The following L3MBTL3 variants were observed in gnomAD, a reference collection of about 807,000 sequenced individuals.
L3MBTL3 encodes the protein L3MBTL histone methyl-lysine binding protein 3.
A neutral mutation model predicts 102.3 loss-of-function variants in L3MBTL3; 27 were observed. The observed-to-expected ratio is 0.26, with a 90% confidence interval of 0.19 to 0.36. The LOEUF (loss-of-function observed/expected upper bound fraction) is 0.36. Ranked by LOEUF, L3MBTL3 falls within the 10% of genes least tolerant of loss-of-function variation. The pLI is 1.00. For synonymous variants in L3MBTL3, 340 were observed against 320.9 expected, an observed-to-expected ratio of 1.06 and a Z score of -0.64; for missense variants, 798 against 955.3, an observed-to-expected ratio of 0.84 and a Z score of 2.17.
At chr6:130,033,000 T>A (rs759235253) in intron 2 of L3MBTL3, among the ~76,000 whole-genome samples, 16 of 151,892 alleles carry the variant, frequency 1.1e-4, no homozygotes, top group Non-Finnish European at 1.5e-4. Context: ...CTCAAAAACA[T>A]GCAAAAAATG....
intron 2 of L3MBTL3, among the ~76,000 whole-genome samples, chr6:130,030,266 A>G (rs1256484035): frequency 2.0e-5 from 3 of 152,010 alleles, no homozygotes; most frequent in Non-Finnish European, 2.9e-5. Context: ...TTACACCCCT[A>G]TGGAGAGGAT....
At chr6:130,024,206 T>C (rs1779186344) in intron 2 of L3MBTL3, among the ~76,000 whole-genome samples, 1 of 152,156 alleles carries the variant, frequency 6.6e-6, no homozygotes, top group African/African-American at 2.4e-5. Flanking sequence ...ACATGAGTCC[T>C]CCGAATGACT....
intron 19 of L3MBTL3, among the ~76,000 whole-genome samples, chr6:130,105,798 T>A (rs776703335): frequency 2.0e-5 from 3 of 152,174 alleles, no homozygotes; most frequent in Non-Finnish European, 4.4e-5. Flanking sequence ...AACAGAATAC[T>A]CAGAAGGGTT....
At chr6:130,086,113 A>T in intron 15 of L3MBTL3, 27 bp from the exon 16 acceptor site, 1 of 1,433,542 alleles carries the variant, frequency 7.0e-7, no homozygotes, top group Non-Finnish European at 9.8e-7. Context: ...TCTTTATCTC[A>T]CTCTGTAAAA....
chr6:130,092,539 G>A (rs1582546392), intron 16 of L3MBTL3, among the ~76,000 whole-genome samples: 1 of 152,126 alleles, frequency 6.6e-6, no homozygotes, highest in African/African-American at 2.4e-5. Flanking sequence ...GGGCCTTTAT[G>A]TCTGGTTATA....
chr6:130,030,135 A>G (rs1779617736), intron 2 of L3MBTL3, among the ~76,000 whole-genome samples: 1 of 152,184 alleles, frequency 6.6e-6, no homozygotes, highest in Admixed American at 6.5e-5. Flanking sequence ...CTAGGATTAC[A>G]GAAGTGAGCC....
intron 13 of L3MBTL3, among the ~76,000 whole-genome samples, chr6:130,074,984 A>G (rs1385793414): frequency 1.3e-5 from 2 of 152,282 alleles, no homozygotes; most frequent in African/African-American, 4.8e-5. Flanking sequence ...TAGTAATTTT[A>G]TGTGTCTCCC....
At chr6:130,114,190 T>C (rs1196770514) in intron 19 of L3MBTL3, among the ~76,000 whole-genome samples, 1 of 152,192 alleles carries the variant, frequency 6.6e-6, no homozygotes, top group Non-Finnish European at 1.5e-5. Context: ...AAAGAGTAGC[T>C]TAGTGTTTAG....
chr6:130,034,598 A>G (rs1584288815), intron 2 of L3MBTL3, among the ~76,000 whole-genome samples: 1 of 152,190 alleles, frequency 6.6e-6, no homozygotes, highest in South Asian at 2.1e-4. Context: ...AAACATCCCC[A>G]TATTCCCTTC....
At chr6:130,069,754 TC>T (rs2114993725) in intron 12 of L3MBTL3, among the ~76,000 whole-genome samples, 1 of 152,318 alleles carries the variant, frequency 6.6e-6, no homozygotes, top group Admixed American at 6.5e-5. Context: ...TGAACGGTCT[TC>T]CTAAATTCTA....
At chr6:130,131,617 CA>C (rs1199332644) in intron 20 of L3MBTL3, among the ~76,000 whole-genome samples, 1 of 152,106 alleles carries the variant, frequency 6.6e-6, no homozygotes. Flanking sequence ...AGTGAGGATG[CA>C]AAAGTGTATT....
In L3MBTL3 at chr6:130,044,047, G is replaced by A. The variant is rs563735962; in HGVS notation, c.102+1246G>A. On this transcript the variant is annotated intron_variant, in intron 3 of 22. Transcript: ENST00000361794. The stretch of plus-strand genomic sequence containing the variant: ...ATTGAATGCCAAGCGTTTTGCTTGC[G>A]CTGACATTCTCCAAATATTCATCTG... Among the ~76,000 whole-genome samples, 11 of 152,212 alleles carry A rather than the reference G, an allele frequency of 7.2e-5. No homozygotes were observed. The South Asian group carries it at 1.5e-3, about 20-fold the overall frequency.
chr6:130,087,696 C>T (rs1036756511), intron 16 of L3MBTL3, among the ~76,000 whole-genome samples: 1 of 152,138 alleles, frequency 6.6e-6, no homozygotes, highest in African/African-American at 2.4e-5. Flanking sequence ...GTTTATAGTA[C>T]TTAACATTGG....
intron 2 of L3MBTL3, among the ~76,000 whole-genome samples, chr6:130,040,406 C>T (rs1255135334): frequency 6.6e-6 from 1 of 151,506 alleles, no homozygotes; most frequent in Non-Finnish European, 1.5e-5. Flanking sequence ...AATTTTGTAC[C>T]ATCATGTGTT....
At chr6:130,116,272 C>T (rs1785670103) in intron 19 of L3MBTL3, among the ~76,000 whole-genome samples, 1 of 152,156 alleles carries the variant, frequency 6.6e-6, no homozygotes, top group Non-Finnish European at 1.5e-5. Flanking sequence ...TTATTTCATT[C>T]TTAACATGCC....
At chr6:130,139,569 C>T in intron 22 of L3MBTL3, 41 bp from the exon 23 acceptor site, 1 of 1,585,910 alleles carries the variant, frequency 6.3e-7, no homozygotes, top group South Asian at 1.1e-5. Flanking sequence ...AACACTGCAT[C>T]TTGTTAATCC....
At chr6:130,111,672 G>A (rs1785355256) in intron 19 of L3MBTL3, among the ~76,000 whole-genome samples, 1 of 152,202 alleles carries the variant, frequency 6.6e-6, no homozygotes, top group African/African-American at 2.4e-5. Flanking sequence ...CACCTGCTCA[G>A]AATAGAGCCA....
rs1784872684 is a variant in L3MBTL3, at chr6:130,104,487, T to G, written c.1798T>G (p.Leu600Val). Residue 600 changes from leucine to valine, a missense_variant, in exon 19 of 23, where the codon TTA (leucine) becomes GTA (valine). Leu to Val is a conservative substitution (Grantham distance 32). Transcript: ENST00000361794. ...TAAAGACCGTATTTTTCCAGACCGCTTAAGTGGTGAGATGCCTCCGGCTAG... is the reference window on the plus strand; with the variant it reads ...TAAAGACCGTATTTTTCCAGACCGCGTAAGTGGTGAGATGCCTCCGGCTAG... ...LNKDRIFPDR[L>V]SGEMPPASPS... The G allele has an allele frequency of 6.2e-7, 1 of 1,602,266 alleles. No homozygotes were observed. Among genetic ancestry groups the G allele is most frequent in the East Asian group, 2.3e-5 (1 of 44,332 alleles).
At chr6:130,139,574 T>A (rs1788090867) in intron 22 of L3MBTL3, 36 bp from the exon 23 acceptor site, 1 of 1,596,140 alleles carries the variant, frequency 6.3e-7, no homozygotes, top group African/African-American at 1.3e-5. Context: ...TGCATCTTGT[T>A]AATCCACATT....
Sources: allele counts gnomAD v4.1 joint callset (sites outside exome capture counted in the v4.1 genomes callset), GRCh38; gene constraint gnomAD v4.1.1; transcripts MANE v1.5; gene names NCBI Gene and HGNC (gene_info 2026-07-23, HGNC 2026-07-21).